Variants in CPEB1 observed in about 807,000 individuals in gnomAD.
CPEB1 encodes the protein cytoplasmic polyadenylation element binding protein 1.
CPEB1 carries 7 observed loss-of-function variants against 65.8 expected under a neutral mutation model. That is an observed-to-expected ratio of 0.11 (90% CI 0.06 to 0.20). The LOEUF (loss-of-function observed/expected upper bound fraction) is 0.20, where lower values mean the gene tolerates loss of function less well. CPEB1 is among the 10% of genes least tolerant of loss of function. The pLI is 1.00. For synonymous variants in CPEB1, 262 were observed against 260.0 expected, an observed-to-expected ratio of 1.01 and a Z score of -0.08; for missense variants, 551 against 712.2, an observed-to-expected ratio of 0.77 and a Z score of 2.58.
chr15:82,577,793 G>A (rs2040824570), intron 3 of CPEB1, among the ~76,000 whole-genome samples: 2 of 151,914 alleles, frequency 1.3e-5, no homozygotes, highest in Non-Finnish European at 2.9e-5. Flanking sequence ...AAAGTGCTGG[G>A]ATTACAGGTG....
chr15:82,597,001 G>A (rs191577919), intron 3 of CPEB1, among the ~76,000 whole-genome samples: 3 of 152,064 alleles, frequency 2.0e-5, no homozygotes, highest in Non-Finnish European at 4.4e-5. Flanking sequence ...GATATCCTTG[G>A]TGTGCCAAAA....
chr15:82,620,997 C>T (rs984854671), intron 3 of CPEB1, among the ~76,000 whole-genome samples: 3 of 152,180 alleles, frequency 2.0e-5, no homozygotes, highest in East Asian at 1.9e-4. Flanking sequence ...CAAGTTAAAT[C>T]GTTGCCACTT....
intron 10 of CPEB1, among the ~76,000 whole-genome samples, chr15:82,547,569 C>T (rs1405923256): frequency 6.6e-6 from 1 of 151,984 alleles, no homozygotes; most frequent in African/African-American, 2.4e-5. Flanking sequence ...GCTGGGATTA[C>T]AGGCGTGAGC....
intron 3 of CPEB1, among the ~76,000 whole-genome samples, chr15:82,620,854 G>C (rs1226703689): frequency 1.3e-5 from 2 of 152,126 alleles, no homozygotes; most frequent in African/African-American, 2.4e-5. Context: ...GAGACTGAAA[G>C]GACTGCAAGG....
intron 3 of CPEB1, among the ~76,000 whole-genome samples, chr15:82,613,958 T>C (rs2044437136): frequency 6.6e-6 from 1 of 151,984 alleles, no homozygotes; most frequent in Non-Finnish European, 1.5e-5. Flanking sequence ...TCAGCCTCGC[T>C]GCTTCTGAGT....
intron 4 of CPEB1, among the ~76,000 whole-genome samples, chr15:82,561,350 G>A (rs185552553): frequency 1.1e-4 from 16 of 152,284 alleles, no homozygotes; most frequent in Non-Finnish European, 1.9e-4. Context: ...AGCTAAAGCA[G>A]AAAATGGGGG....
chr15:82,610,379 A>T (rs915817799), intron 3 of CPEB1, among the ~76,000 whole-genome samples: 7 of 152,208 alleles, frequency 4.6e-5, no homozygotes, highest in Non-Finnish European at 8.8e-5. Flanking sequence ...TATTTCCCTG[A>T]TACCAAAATC....
chr15:82,613,876 A>G (rs1207951318), intron 3 of CPEB1, among the ~76,000 whole-genome samples: 2 of 151,108 alleles, frequency 1.3e-5, no homozygotes, highest in South Asian at 2.1e-4. Context: ...TCCCCCCTCA[A>G]TGCCCCCCTG....
intron 3 of CPEB1, among the ~76,000 whole-genome samples, chr15:82,619,687 T>C (rs2045113206): frequency 6.6e-6 from 1 of 152,076 alleles, no homozygotes; most frequent in Non-Finnish European, 1.5e-5. Context: ...GAAAATGTGC[T>C]CAACTTCATC....
intron 9 of CPEB1, among the ~76,000 whole-genome samples, 173 bp downstream of exon 9, chr15:82,552,307 T>C (rs2036409708): frequency 6.6e-6 from 1 of 151,822 alleles, no homozygotes; most frequent in South Asian, 2.1e-4. Context: ...TGCTTTTTTT[T>C]TTTTTTAATG....
intron 3 of CPEB1, among the ~76,000 whole-genome samples, chr15:82,602,351 A>T (rs1790938529): frequency 6.6e-6 from 1 of 152,214 alleles, no homozygotes; most frequent in South Asian, 2.1e-4. Flanking sequence ...ATCCATGCTG[A>T]GCGGGAAATT....
At chr15:82,585,854 C>T (rs2041753076) in intron 3 of CPEB1, among the ~76,000 whole-genome samples, 1 of 152,028 alleles carries the variant, frequency 6.6e-6, no homozygotes, top group South Asian at 2.1e-4. Context: ...GTTACCAACA[C>T]TGGTACTATT....
chr15:82,604,480 C>T (rs1351119412), intron 3 of CPEB1, among the ~76,000 whole-genome samples: 11 of 139,892 alleles, frequency 7.9e-5, no homozygotes, highest in Non-Finnish European at 1.5e-4. Flanking sequence ...AGCAAGACTC[C>T]ATCTCAAAAA....
intron 10 of CPEB1, among the ~76,000 whole-genome samples, chr15:82,548,129 G>A (rs1389176172): frequency 6.6e-6 from 1 of 152,134 alleles, no homozygotes; most frequent in Non-Finnish European, 1.5e-5. Context: ...GAGGTCAAGA[G>A]ATGGAGACCA....
chr15:82,616,592 G>A (rs992259434), intron 3 of CPEB1, among the ~76,000 whole-genome samples: 2 of 148,404 alleles, frequency 1.3e-5, no homozygotes, highest in Non-Finnish European at 3.0e-5. Flanking sequence ...GCCCAGACTG[G>A]AGTGCAGTGG....
At chr15:82,606,178 C>T (rs998091688) in intron 3 of CPEB1, among the ~76,000 whole-genome samples, 3 of 152,134 alleles carry the variant, frequency 2.0e-5, no homozygotes, top group Non-Finnish European at 4.4e-5. Flanking sequence ...AATTAAGATG[C>T]TAGTTCCAGC....
At chr15:82,561,079 G>A (rs979408023) in intron 4 of CPEB1, among the ~76,000 whole-genome samples, 1 of 152,226 alleles carries the variant, frequency 6.6e-6, no homozygotes, top group African/African-American at 2.4e-5. Flanking sequence ...GCTATAAGAG[G>A]AATGAGGGTG....
At chr15:82,581,743 T>A (rs557236391) in intron 3 of CPEB1, among the ~76,000 whole-genome samples, 1 of 152,328 alleles carries the variant, frequency 6.6e-6, no homozygotes, top group African/African-American at 2.4e-5. Context: ...CCAATGTTTT[T>A]AAAAATCTCC....
At chr15:82,624,260 G>A (rs1469233362) in intron 3 of CPEB1, among the ~76,000 whole-genome samples, 1 of 152,156 alleles carries the variant, frequency 6.6e-6, no homozygotes, top group African/African-American at 2.4e-5. Flanking sequence ...ACATGGGAGG[G>A]GCTGGGTATA....
Sources: gnomAD v4.1 joint callset for allele counts (sites outside exome capture counted in the v4.1 genomes callset) on GRCh38, gnomAD v4.1.1 for gene constraint, MANE v1.5 for transcripts, NCBI Gene and HGNC (gene_info 2026-07-23, HGNC 2026-07-21) for gene names.